Variants in CACNA2D3 observed in about 807,000 individuals in gnomAD.
CACNA2D3 encodes voltage-dependent calcium channel subunit alpha-2/delta-3.
CACNA2D3 carries 60 observed loss-of-function variants against 160.6 expected under a neutral mutation model. The ratio of observed to expected loss-of-function variants is 0.37; its 90% CI spans 0.30 to 0.46. The LOEUF (loss-of-function observed/expected upper bound fraction) is 0.46. Ranked by LOEUF, CACNA2D3 falls within the 20% of genes least tolerant of loss-of-function variation. The probability of loss-of-function intolerance (pLI) is 1.00; values close to 1 mark genes in which losing one functional copy is unlikely to be tolerated. For missense variants in CACNA2D3, 1,205 were observed against 1,365.0 expected (o/e 0.88, Z 1.85); for synonymous variants, 558 against 492.9 (o/e 1.13, Z -1.75).
chr3:54,626,783 G>T, intron 9 of CACNA2D3: 1 of 621,142 alleles, frequency 1.6e-6, no homozygotes, highest in South Asian at 2.0e-5. Context: ...CATGGGTGTG[G>T]GCTTTTGGGT....
chr3:54,675,535 C>T (rs1415236672), intron 11 of CACNA2D3, among the ~76,000 whole-genome samples: 1 of 152,030 alleles, frequency 6.6e-6, no homozygotes, highest in Non-Finnish European at 1.5e-5. Context: ...ATCTTCTCTC[C>T]CTGAAGTTCA....
chr3:54,478,504 C>T (rs1047856047), intron 4 of CACNA2D3, among the ~76,000 whole-genome samples: 10 of 150,924 alleles, frequency 6.6e-5, no homozygotes, highest in African/African-American at 9.7e-5. Flanking sequence ...TGGTGGCAGG[C>T]GCCTGTAGTC....
chr3:54,164,411 C>G lies in CACNA2D3; in HGVS notation c.204+40817C>G, dbSNP rs116405782. ...GCAAGGGAGCTGTTCACACACTGAG[C>G]GAGCAGTCACAGCTGCCCTGAGCTC... On this transcript the variant is annotated intron_variant, in intron 2 of 37. Coordinates refer to ENST00000474759, the MANE Select transcript of CACNA2D3 (RefSeq NM_018398.3). Among the ~76,000 whole-genome samples the G allele has an allele frequency of 2.5e-3, 382 of 152,342 alleles. 3 individuals are homozygous for G. The highest frequency in any genetic ancestry group is 8.9e-3 in the African/African-American group (371 of 41,578).
chr3:54,910,832 T>A (rs550850675), intron 27 of CACNA2D3, among the ~76,000 whole-genome samples: 31 of 152,342 alleles, frequency 2.0e-4, no homozygotes, highest in African/African-American at 7.5e-4. Flanking sequence ...GCCTTGATAA[T>A]TTAAAATCCA....
rs557917382 is a variant in CACNA2D3 at position 54,198,893 on chromosome 3, C to T, written c.204+75299C>T. Among the ~76,000 whole-genome samples, 6 of 152,340 alleles carry T rather than the reference C, an allele frequency of 3.9e-5. No individual in the cohort carries two copies. The South Asian group carries it at 1.0e-3, about 26-fold the overall frequency. On this transcript the variant is annotated intron_variant, in intron 2 of 37. Coordinates refer to ENST00000474759, the MANE Select transcript of CACNA2D3 (RefSeq NM_018398.3). The stretch of plus-strand genomic sequence containing the variant: ...TTCTGTGCTGAGTGATGGCCGTGGC[C>T]GGGAGCTCCTAGATGTCTTGCTCCT...
chr3:54,589,448 G>A (rs752735414), intron 9 of CACNA2D3, among the ~76,000 whole-genome samples: 1 of 151,884 alleles, frequency 6.6e-6, no homozygotes, highest in Non-Finnish European at 1.5e-5. Context: ...AAAAATAGAT[G>A]TGGGGAGAAA....
chr3:54,234,511 T>C (rs1188655211), intron 2 of CACNA2D3, among the ~76,000 whole-genome samples: 1 of 152,220 alleles, frequency 6.6e-6, no homozygotes, highest in Non-Finnish European at 1.5e-5. Flanking sequence ...TTACTGAGTA[T>C]ATATCCAGAG....
intron 27 of CACNA2D3, among the ~76,000 whole-genome samples, chr3:54,927,444 G>A (rs1575382252): frequency 6.6e-6 from 1 of 152,104 alleles, no homozygotes. Flanking sequence ...AGTAATGAAC[G>A]GACACCCCTC....
intron 25 of CACNA2D3, among the ~76,000 whole-genome samples, chr3:54,893,732 A>T (rs1309456994): frequency 1.3e-5 from 2 of 152,172 alleles, no homozygotes; most frequent in South Asian, 4.2e-4. Context: ...CGCCACCTGC[A>T]TTTGGAAGTA....
At chr3:54,331,932 T>C (rs1230183782) in intron 3 of CACNA2D3, among the ~76,000 whole-genome samples, 1 of 152,076 alleles carries the variant, frequency 6.6e-6, no homozygotes, top group Non-Finnish European at 1.5e-5. Flanking sequence ...ATCCCCTCCC[T>C]CCCTCAATCT....
intron 2 of CACNA2D3, among the ~76,000 whole-genome samples, chr3:54,223,344 G>A (rs1249446382): frequency 6.6e-6 from 1 of 152,136 alleles, no homozygotes; most frequent in Admixed American, 6.5e-5. Context: ...GTTGTAACAC[G>A]ATGATAAGTA....
At chr3:54,149,924 T>TCG (rs1391058201) in intron 2 of CACNA2D3, among the ~76,000 whole-genome samples, 11 of 48,746 alleles carry the variant, frequency 2.3e-4, no homozygotes, top group African/African-American at 7.4e-4. Context: ...TCTCTCTCTC[T>TCG]CTCTCTCCCT....
chr3:54,487,497 A>T (rs972215189), intron 4 of CACNA2D3, among the ~76,000 whole-genome samples: 3 of 152,214 alleles, frequency 2.0e-5, no homozygotes, highest in African/African-American at 7.2e-5. Context: ...TTGGATCCAT[A>T]TTATGAGGAT....
At chr3:54,496,853 T>A (rs1701211062) in intron 4 of CACNA2D3, among the ~76,000 whole-genome samples, 1 of 152,172 alleles carries the variant, frequency 6.6e-6, no homozygotes, top group African/African-American at 2.4e-5. Flanking sequence ...AGTCATTTGC[T>A]TCAGCACAGT....
At chr3:54,356,967 G>A (rs1025656950) in intron 3 of CACNA2D3, among the ~76,000 whole-genome samples, 3 of 152,052 alleles carry the variant, frequency 2.0e-5, no homozygotes, top group Non-Finnish European at 4.4e-5. Flanking sequence ...AGCTTACTTA[G>A]GGCCTTTGTT....
At chr3:55,027,294 T>A (rs182039882) in intron 35 of CACNA2D3, among the ~76,000 whole-genome samples, 1 of 152,358 alleles carries the variant, frequency 6.6e-6, no homozygotes, top group Non-Finnish European at 1.5e-5. Context: ...TCTTTATCCC[T>A]CCTTGCTCCA....
rs146516732 is a variant in CACNA2D3 at position 54,575,488 on chromosome 3, T to C, written c.888+5384T>C. Among the ~76,000 whole-genome samples, 73 of 152,360 alleles carry C rather than the reference T, an allele frequency of 4.8e-4. No individual in the cohort carries two copies. The East Asian group carries it at 0.012, about 25-fold the overall frequency. On this transcript the variant is annotated intron_variant, in intron 8 of 37. Transcript: ENST00000474759. Reference sequence around the variant, plus strand: ...CTCTGCAATTTTGCCTTTTTGTTTCTTTGTTCTATCGATTCATTCAACAAA... The same window carrying C: ...CTCTGCAATTTTGCCTTTTTGTTTCCTTGTTCTATCGATTCATTCAACAAA...
chr3:54,863,871 C>G (rs1000714828), intron 17 of CACNA2D3, among the ~76,000 whole-genome samples: 5 of 152,168 alleles, frequency 3.3e-5, no homozygotes, highest in Admixed American at 2.6e-4. Context: ...AAGGAAAGGG[C>G]TTGTTGTCTT....
At chr3:54,717,783 GTGCGTGTGTGGTGTGC>G (rs1559557681) in intron 11 of CACNA2D3, among the ~76,000 whole-genome samples, 2 of 88,248 alleles carry the variant, frequency 2.3e-5, no homozygotes, top group African/African-American at 7.6e-5. Context: ...GTGTGTGCAT[GTGCGTGTGTGGTGTGC>G]GTGTGTGCGC....
Sources: allele counts gnomAD v4.1 joint callset (sites outside exome capture counted in the v4.1 genomes callset), GRCh38; gene constraint gnomAD v4.1.1; transcripts MANE v1.5; gene names NCBI Gene and HGNC (gene_info 2026-07-23, HGNC 2026-07-21).